MFAP3L: variants seen among roughly 807,000 people sequenced by gnomAD.
The protein encoded by MFAP3L is microfibrillar-associated protein 3-like.
In MFAP3L, 5 loss-of-function variants were observed where a neutral mutation model predicts 20.0. That is an observed-to-expected ratio of 0.25 (90% CI 0.13 to 0.53). The LOEUF (loss-of-function observed/expected upper bound fraction) is 0.53, where lower values mean the gene tolerates loss of function less well. Ranked by LOEUF, MFAP3L falls within the 20% of genes least tolerant of loss-of-function variation. The probability of loss-of-function intolerance (pLI) is 0.96; values close to 1 mark genes in which losing one functional copy is unlikely to be tolerated. For synonymous variants in MFAP3L, 219 were observed against 213.0 expected, an observed-to-expected ratio of 1.03 and a Z score of -0.25; for missense variants, 409 against 527.5, an observed-to-expected ratio of 0.78 and a Z score of 2.20.
At chr4:169,997,880 G>C (rs951550648) in intron 2 of MFAP3L, 1 of 877,598 alleles carries the variant, frequency 1.1e-6, no homozygotes, top group Non-Finnish European at 1.4e-6. Flanking sequence ...TGTCAGGCTG[G>C]TAACACTGTT....
At position 169,987,824 on chromosome 4, in the gene MFAP3L, A is replaced by C. The variant is rs923140060; in HGVS notation, c.*3554T>G. The C allele has an allele frequency of 6.6e-6, 1 of 152,226 alleles. No homozygotes were observed. The highest frequency in any genetic ancestry group is 2.4e-5 in the African/African-American group (1 of 41,458). The allele number at this position is 152,226 out of a possible 1,614,324, so 9.4% of individuals were successfully genotyped here. A position where few individuals can be genotyped will look rare whatever the true frequency, so the allele number is the denominator to read the frequency against. On this transcript the variant is annotated 3_prime_UTR_variant, in exon 3 of 3. Transcript: ENST00000361618. Reference sequence around the variant, plus strand: ...CCATTAAAATAATTTACATAGCCATAGGTAAATTCATCCAGTCTTTCCATC... The same window carrying C: ...CCATTAAAATAATTTACATAGCCATCGGTAAATTCATCCAGTCTTTCCATC...
intron 1 of MFAP3L, among the ~76,000 whole-genome samples, chr4:170,021,966 G>A (rs1740065327): frequency 6.6e-6 from 1 of 152,072 alleles, no homozygotes; most frequent in African/African-American, 2.4e-5. Flanking sequence ...ATTACCAACT[G>A]GTCAGAGTTG....
intron 1 of MFAP3L, among the ~76,000 whole-genome samples, chr4:170,010,961 C>G (rs1412082650): frequency 6.6e-6 from 1 of 152,174 alleles, no homozygotes; most frequent in Non-Finnish European, 1.5e-5. Context: ...CCCCATGTGT[C>G]AAGGGTGGGG....
At position 169,997,644 on chromosome 4, in the gene MFAP3L, G is replaced by A. The variant is rs1403956288; in HGVS notation, c.299-5335C>T. ...CAACTCTCAGGTTGCCAGAATAAAG[G>A]GGAGTCGCTAGTGACATTGTTGGCA... On this transcript the variant is annotated intron_variant, in intron 2 of 2. Coordinates refer to ENST00000361618, the MANE Select transcript of MFAP3L (RefSeq NM_021647.8). The A allele has an allele frequency of 9.0e-6, 8 of 886,392 alleles. No homozygotes were observed. The South Asian group carries it at 3.6e-4, about 40-fold the overall frequency. The allele number at this position is 886,392 out of a possible 1,614,324, so 54.9% of individuals were successfully genotyped here.
chr4:169,994,396 T>A (rs1737979115), intron 2 of MFAP3L: 1 of 984,994 alleles, frequency 1.0e-6, no homozygotes, highest in Non-Finnish European at 1.2e-6. Flanking sequence ...AAGACAGGCA[T>A]CTGATGGTAA....
chr4:169,990,972 C>T lies in MFAP3L; in HGVS notation c.*406G>A, dbSNP rs759811511. 2.8e-5 allele frequency: 5 copies of T among 176,748 alleles called. No homozygotes were observed. Among genetic ancestry groups the T allele is most frequent in the Non-Finnish European group, 4.8e-5 (4 of 83,610 alleles). 10.9% of individuals were successfully genotyped at this position (176,748 alleles called of 1,614,324 possible). A position where few individuals can be genotyped will look rare whatever the true frequency, so the allele number is the denominator to read the frequency against. On this transcript the variant is annotated 3_prime_UTR_variant, in exon 3 of 3. Transcript: ENST00000361618. Reference sequence around the variant, plus strand: ...GAAGAAACTGCAAAAAACCCACGTACGTGCATTTGCTATTGTAGCAGACCT... The same window carrying T: ...GAAGAAACTGCAAAAAACCCACGTATGTGCATTTGCTATTGTAGCAGACCT...
At chr4:170,019,099 C>T (rs185608968) in intron 1 of MFAP3L, among the ~76,000 whole-genome samples, 2 of 152,302 alleles carry the variant, frequency 1.3e-5, no homozygotes, top group African/African-American at 4.8e-5. Flanking sequence ...CCAGGGAAAA[C>T]GGGTTTTGAA....
rs1188329935 is a variant in MFAP3L, at chr4:169,987,100, T to C, written c.*4278A>G. 1 of 152,202 alleles carries C rather than the reference T, an allele frequency of 6.6e-6. No individual in the cohort carries two copies. The highest frequency in any genetic ancestry group is 1.5e-5 in the Non-Finnish European group (1 of 68,024). 9.4% of individuals were successfully genotyped at this position (152,202 alleles called of 1,614,324 possible). ...ATATGATATCTTCGTGAATAAAAGATAAATGCTCAGTCCTTTGGAAAATAT... is the reference window on the plus strand; with the variant it reads ...ATATGATATCTTCGTGAATAAAAGACAAATGCTCAGTCCTTTGGAAAATAT... On this transcript the variant is annotated 3_prime_UTR_variant, in exon 3 of 3. Coordinates refer to ENST00000361618, the MANE Select transcript of MFAP3L (RefSeq NM_021647.8).
At chr4:170,009,468 T>A (rs1739244908) in intron 1 of MFAP3L, among the ~76,000 whole-genome samples, 2 of 151,168 alleles carry the variant, frequency 1.3e-5, no homozygotes, top group Admixed American at 1.3e-4. Context: ...AATAACAATC[T>A]AACATTGTGA....
chr4:170,018,354 T>C (rs991530273), intron 1 of MFAP3L, among the ~76,000 whole-genome samples: 3 of 152,226 alleles, frequency 2.0e-5, no homozygotes, highest in African/African-American at 7.2e-5. Flanking sequence ...CAAGGCTGTC[T>C]GGAGAGCTCT....
chr4:170,023,847 C>T (rs1740184121), intron 1 of MFAP3L, among the ~76,000 whole-genome samples: 1 of 152,140 alleles, frequency 6.6e-6, no homozygotes, highest in Admixed American at 6.6e-5. Context: ...CCAAATTAAG[C>T]ACAATTTAAA....
rs972055657 is a variant in MFAP3L at position 169,988,005 on chromosome 4, T to C, written c.*3373A>G. On this transcript the variant is annotated 3_prime_UTR_variant, in exon 3 of 3. Transcript: ENST00000361618. Reference sequence around the variant, plus strand: ...TGTGAGATGTCAGGTCTTTCAACCTTAGTTGTGAAAAACAAATGCTCATAA... The same window carrying C: ...TGTGAGATGTCAGGTCTTTCAACCTCAGTTGTGAAAAACAAATGCTCATAA... The C allele has an allele frequency of 2.0e-5, 3 of 152,170 alleles. No homozygotes were observed. The highest frequency in any genetic ancestry group is 4.4e-5 in the Non-Finnish European group (3 of 68,024). The allele number at this position is 152,170 out of a possible 1,614,324, so 9.4% of individuals were successfully genotyped here.
At chr4:169,999,261 C>G (rs1255202172) in intron 2 of MFAP3L, among the ~76,000 whole-genome samples, 1 of 152,126 alleles carries the variant, frequency 6.6e-6, no homozygotes, top group Non-Finnish European at 1.5e-5. Context: ...TCATGTAGAG[C>G]GAAGGTGGCC....
intron 1 of MFAP3L, among the ~76,000 whole-genome samples, chr4:170,019,628 A>C (rs1486405909): frequency 6.6e-6 from 1 of 152,166 alleles, no homozygotes; most frequent in Non-Finnish European, 1.5e-5. Context: ...AACCGATGAG[A>C]ATGATTTGAA....
chr4:170,002,402 G>A (rs768236179), intron 2 of MFAP3L, among the ~76,000 whole-genome samples: 4 of 152,106 alleles, frequency 2.6e-5, no homozygotes, highest in Admixed American at 6.6e-5. Context: ...TTGGTGCAGC[G>A]ACTTAGTAAA....
At chr4:170,000,866 G>A (rs751460239) in intron 2 of MFAP3L, among the ~76,000 whole-genome samples, 2 of 152,030 alleles carry the variant, frequency 1.3e-5, no homozygotes, top group Non-Finnish European at 2.9e-5. Context: ...GGGACTACAG[G>A]TATGTGCCAC....
At chr4:170,002,787 C>A (rs1738747828) in intron 2 of MFAP3L, among the ~76,000 whole-genome samples, 3 of 151,916 alleles carry the variant, frequency 2.0e-5, no homozygotes, top group African/African-American at 7.2e-5. Flanking sequence ...GGATTACAGG[C>A]ATGAGCCACG....
At chr4:169,998,827 T>C (rs530878897) in intron 2 of MFAP3L, among the ~76,000 whole-genome samples, 3 of 152,340 alleles carry the variant, frequency 2.0e-5, no homozygotes, top group African/African-American at 7.2e-5. Context: ...GTTAGTTTCT[T>C]GAAACTAATT....
intron 1 of MFAP3L, among the ~76,000 whole-genome samples, chr4:170,014,860 G>A (rs533460331): frequency 1.2e-4 from 19 of 152,236 alleles, no homozygotes; most frequent in African/African-American, 4.3e-4. Context: ...TACAAAGGGT[G>A]GTTAATTATT....
Sources: gnomAD v4.1 joint callset for allele counts (sites outside exome capture counted in the v4.1 genomes callset) on GRCh38, gnomAD v4.1.1 for gene constraint, MANE v1.5 for transcripts, NCBI Gene and HGNC (gene_info 2026-07-23, HGNC 2026-07-21) for gene names.